Variants in PTPRD observed in about 807,000 individuals in gnomAD.
PTPRD encodes the protein protein tyrosine phosphatase receptor type D, also known as receptor-type tyrosine-protein phosphatase delta.
PTPRD carries 34 observed loss-of-function variants against 214.5 expected under a neutral mutation model. The ratio of observed to expected loss-of-function variants is 0.16; its 90% CI spans 0.12 to 0.21. PTPRD has a LOEUF of 0.21. Among genes scored for constraint, PTPRD ranks in the 10% least tolerant of loss-of-function variants. The probability of loss-of-function intolerance (pLI) is 1.00; values close to 1 mark genes in which losing one functional copy is unlikely to be tolerated. For missense variants in PTPRD, 2,545 were observed against 2,398.7 expected, an observed-to-expected ratio of 1.06 and a Z score of -1.27; for synonymous variants, 1,128 against 845.7, an observed-to-expected ratio of 1.33 and a Z score of -5.79.
chr9:9,798,356 A>T (rs887521152), intron 5 of PTPRD, among the ~76,000 whole-genome samples: 1 of 152,178 alleles, frequency 6.6e-6, no homozygotes, highest in African/African-American at 2.4e-5. Flanking sequence ...GTGTATTTTT[A>T]CGCTACATTT....
At chr9:9,764,529 T>A (rs2098690650) in intron 6 of PTPRD, among the ~76,000 whole-genome samples, 1 of 152,194 alleles carries the variant, frequency 6.6e-6, no homozygotes, top group South Asian at 2.1e-4. Flanking sequence ...GAATCATTCC[T>A]CTTCTATTAA....
chr9:10,235,544 T>C (rs965892064), intron 3 of PTPRD, among the ~76,000 whole-genome samples: 1 of 151,978 alleles, frequency 6.6e-6, no homozygotes, highest in Non-Finnish European at 1.5e-5. Context: ...CTTGGTGATA[T>C]CACTTAAGCC....
intron 11 of PTPRD, among the ~76,000 whole-genome samples, chr9:8,814,901 T>C (rs934399967): frequency 6.6e-6 from 1 of 152,216 alleles, no homozygotes; most frequent in Non-Finnish European, 1.5e-5. Flanking sequence ...TGCATTCACA[T>C]AGCTTTCTGG....
chr9:10,579,930 G>T (rs1256453619), intron 2 of PTPRD, among the ~76,000 whole-genome samples: 1 of 151,966 alleles, frequency 6.6e-6, no homozygotes, highest in Non-Finnish European at 1.5e-5. Flanking sequence ...GTCTATTCAT[G>T]CCCTTTGTCA....
At chr9:10,578,935 C>T (rs957159323) in intron 2 of PTPRD, among the ~76,000 whole-genome samples, 8 of 151,786 alleles carry the variant, frequency 5.3e-5, no homozygotes, top group East Asian at 1.9e-4. Context: ...CTTTAAGTTC[C>T]GGGATACATG....
chr9:8,898,649 A>C (rs763985853), intron 11 of PTPRD, among the ~76,000 whole-genome samples: 1 of 152,206 alleles, frequency 6.6e-6, no homozygotes, highest in African/African-American at 2.4e-5. Context: ...TATCTAATCC[A>C]TAAGACTTGG....
intron 8 of PTPRD, among the ~76,000 whole-genome samples, chr9:9,473,322 G>A (rs2094767958): frequency 6.6e-6 from 1 of 152,074 alleles, no homozygotes; most frequent in South Asian, 2.1e-4. Context: ...TCTTTTTTAT[G>A]TCTAAATGGT....
rs1005983749 is a variant in PTPRD, at chr9:10,479,054, G to A, written c.-600+133344C>T. ...TTACACAATTTTCACAGAAGTTACAGTGTAATTAAGTCAGAAGCAAAGTTT... is the reference window on the plus strand; with the variant it reads ...TTACACAATTTTCACAGAAGTTACAATGTAATTAAGTCAGAAGCAAAGTTT... On this transcript the variant is annotated intron_variant, in intron 2 of 45. Coordinates refer to ENST00000381196, the MANE Select transcript of PTPRD (RefSeq NM_002839.4). Among the ~76,000 whole-genome samples the A allele has an allele frequency of 7.2e-5, 11 of 152,232 alleles. No individual in the cohort carries two copies. In the East Asian group the frequency reaches 1.4e-3, roughly 19 times the overall value.
intron 2 of PTPRD, among the ~76,000 whole-genome samples, chr9:10,346,159 T>A (rs1020012300): frequency 1.3e-5 from 2 of 152,198 alleles, no homozygotes; most frequent in Non-Finnish European, 2.9e-5. Flanking sequence ...CTTAAGTAAA[T>A]GTTTCCATGT....
intron 4 of PTPRD, among the ~76,000 whole-genome samples, chr9:10,027,725 C>CA (rs1288735841): frequency 2.0e-5 from 3 of 151,876 alleles, no homozygotes; most frequent in African/African-American, 7.3e-5. Flanking sequence ...AAAATATATG[C>CA]ACATATATGT....
chr9:9,613,443 T>C (rs2094655382), intron 7 of PTPRD, among the ~76,000 whole-genome samples: 1 of 151,986 alleles, frequency 6.6e-6, no homozygotes, highest in African/African-American at 2.4e-5. Flanking sequence ...AAGCATTCTG[T>C]TCTTTTTGCC....
At chr9:10,062,566 A>G (rs1014477033) in intron 3 of PTPRD, among the ~76,000 whole-genome samples, 30 of 152,090 alleles carry the variant, frequency 2.0e-4, no homozygotes, top group African/African-American at 6.5e-4. Context: ...AGATCACTCC[A>G]TCGTATTCCA....
intron 2 of PTPRD, among the ~76,000 whole-genome samples, chr9:10,598,297 T>C (rs1445813384): frequency 2.0e-5 from 3 of 151,798 alleles, no homozygotes; most frequent in Non-Finnish European, 2.9e-5. Flanking sequence ...AAACATTTCT[T>C]CAGAAAGTAA....
rs1415466588 is a variant in PTPRD, at chr9:8,373,042, G to C, written c.4661+2894C>G. Among the ~76,000 whole-genome samples, 3 of 151,874 alleles carry C rather than the reference G, an allele frequency of 2.0e-5. No individual in the cohort carries two copies. The South Asian group carries it at 6.2e-4, about 32-fold the overall frequency. ...GTATTCACCTTCCAGACTATTTTTT[G>C]TGATTATGTGTAACATGATCATGAT... is the stretch of plus-strand genomic sequence containing the variant. On this transcript the variant is annotated intron_variant, in intron 39 of 45. Coordinates refer to ENST00000381196, the MANE Select transcript of PTPRD (RefSeq NM_002839.4).
chr9:9,147,691 C>A (rs982039693), intron 10 of PTPRD, among the ~76,000 whole-genome samples: 1 of 152,018 alleles, frequency 6.6e-6, no homozygotes, highest in Non-Finnish European at 1.5e-5. Flanking sequence ...GCCACAGAGA[C>A]CATATGTCCC....
At chr9:10,219,986 A>C (rs966513146) in intron 3 of PTPRD, among the ~76,000 whole-genome samples, 5 of 151,860 alleles carry the variant, frequency 3.3e-5, no homozygotes, top group African/African-American at 1.2e-4. Flanking sequence ...TAATAAAATG[A>C]AGAAATTAAA....
chr9:8,541,345 T>A (rs775217690), intron 14 of PTPRD, among the ~76,000 whole-genome samples: 20 of 152,126 alleles, frequency 1.3e-4, no homozygotes, highest in Non-Finnish European at 2.2e-4. Context: ...TCCTTCCACC[T>A]CAGCCTCCAG....
At position 9,198,677 on chromosome 9, in the gene PTPRD, G is replaced by A. The variant is rs574150406; in HGVS notation, c.-202-15314C>T. On this transcript the variant is annotated intron_variant, in intron 9 of 45. Transcript: ENST00000381196. ...AAACTTAGGAGTTAGTTTTAAACTG[G>A]TCTGAAATTCTCACATGTTCTAAAA... Among the ~76,000 whole-genome samples, 4 of 152,238 alleles carry A rather than the reference G, an allele frequency of 2.6e-5. No individual in the cohort carries two copies. The South Asian group carries it at 8.3e-4, about 32-fold the overall frequency.
At chr9:9,371,626 G>C (rs1342548091) in intron 9 of PTPRD, among the ~76,000 whole-genome samples, 1 of 152,044 alleles carries the variant, frequency 6.6e-6, no homozygotes, top group East Asian at 1.9e-4. Flanking sequence ...GTTCTGCTCT[G>C]ATCTTAGTTA....
Sources: gnomAD v4.1 joint callset for allele counts (sites outside exome capture counted in the v4.1 genomes callset) on GRCh38, gnomAD v4.1.1 for gene constraint, MANE v1.5 for transcripts, NCBI Gene and HGNC (gene_info 2026-07-23, HGNC 2026-07-21) for gene names.